Variants in EPB41L5 observed in about 807,000 individuals in gnomAD.
EPB41L5 encodes erythrocyte membrane protein band 4.1 like 5.
EPB41L5 carries 55 observed loss-of-function variants against 106.6 expected under a neutral mutation model. The observed-to-expected ratio is 0.52, with a 90% CI of 0.42 to 0.65. The LOEUF (loss-of-function observed/expected upper bound fraction) is 0.65, where lower values mean the gene tolerates loss of function less well. EPB41L5 is among the 30% of genes least tolerant of loss of function. The probability of loss-of-function intolerance (pLI) is 0.00; values close to 1 mark genes in which losing one functional copy is unlikely to be tolerated. For synonymous variants in EPB41L5, 297 were observed against 306.7 expected, an observed-to-expected ratio of 0.97 and a Z score of 0.33; for missense variants, 871 against 882.1, an observed-to-expected ratio of 0.99 and a Z score of 0.16.
chr2:120,052,745 C>T (rs1226002128), intron 3 of EPB41L5, among the ~76,000 whole-genome samples: 1 of 152,146 alleles, frequency 6.6e-6, no homozygotes, highest in Non-Finnish European at 1.5e-5. Flanking sequence ...CTACTCCAGC[C>T]CTGGAATTAG....
At position 120,077,109 on chromosome 2, in the gene EPB41L5, A is replaced by G. The variant is rs562599701; in HGVS notation, c.626+18A>G. 7.0e-5 allele frequency: 113 copies of G among 1,605,688 alleles called. 2 individuals carry two copies. In the South Asian group the frequency reaches 1.3e-3, roughly 18 times the overall value. On this transcript the variant is annotated intron_variant, in intron 8 of 24. Transcript: ENST00000263713. Reference sequence around the variant, plus strand: ...GAATACAGGTATCTGGCGTTTGACCATACTTTCTTTAAAATCACCACAACA... The same window carrying G: ...GAATACAGGTATCTGGCGTTTGACCGTACTTTCTTTAAAATCACCACAACA...
intron 16 of EPB41L5, chr2:120,104,040 C>T (rs1684302994): frequency 6.6e-7 from 1 of 1,513,114 alleles, no homozygotes; most frequent in Non-Finnish European, 8.8e-7. Context: ...GTGCTCCCCT[C>T]CCACTCCCCA....
intron 3 of EPB41L5, among the ~76,000 whole-genome samples, chr2:120,057,996 A>G (rs550104502): frequency 8.2e-4 from 125 of 152,198 alleles, no homozygotes; most frequent in Non-Finnish European, 1.2e-3. Context: ...TTTTGAAGGA[A>G]CAATTTTCAG....
chr2:120,098,156 T>TGTGTGTGTGTGTGTGTG (rs146897019), intron 14 of EPB41L5, among the ~76,000 whole-genome samples: 8 of 133,670 alleles, frequency 6.0e-5, no homozygotes, highest in Admixed American at 2.3e-4. Context: ...ATTGTTTGTT[T>TGTGTGTGTGTGTGTGTG]TGTGTGTGTG....
chr2:120,163,980 C>CTTTTTTTTTTTTTTTTTTTTTT (rs70949387), intron 21 of EPB41L5, among the ~76,000 whole-genome samples: 3 of 68,140 alleles, frequency 4.4e-5, no homozygotes, highest in Admixed American at 2.3e-4. Flanking sequence ...TTTGTATTTA[C>CTTTTTTTTTTTTTTTTTTTTTT]TTTTTTTTTT....
intron 17 of EPB41L5, 102 bp downstream of exon 17, chr2:120,127,953 A>G (rs1216082658): frequency 8.2e-6 from 9 of 1,099,338 alleles, no homozygotes; most frequent in South Asian, 6.5e-5. Context: ...TACTAGTTCA[A>G]CTTTTAAATT....
At chr2:120,081,758 A>G (rs1682686108) in intron 10 of EPB41L5, among the ~76,000 whole-genome samples, 1 of 152,136 alleles carries the variant, frequency 6.6e-6, no homozygotes, top group African/African-American at 2.4e-5. Flanking sequence ...ATGTTCTTCC[A>G]TTTGTTTGTG....
intron 2 of EPB41L5, among the ~76,000 whole-genome samples, chr2:120,039,694 G>A (rs764058030): frequency 6.6e-5 from 10 of 152,004 alleles, no homozygotes; most frequent in South Asian, 4.2e-4. Flanking sequence ...GTGTGGTGGC[G>A]CATGCCTGTA....
rs181311328 is a variant in EPB41L5, at chr2:120,117,757, C to T, written c.1338-9931C>T. Reference sequence around the variant, plus strand: ...CAAGATTCATGATGAATATGTTCCACGTAGTTTTCATTTAAATCCCTCTCA... The same window carrying T: ...CAAGATTCATGATGAATATGTTCCATGTAGTTTTCATTTAAATCCCTCTCA... On this transcript the variant is annotated intron_variant, in intron 16 of 24. Transcript: ENST00000263713. Among the ~76,000 whole-genome samples the T allele has an allele frequency of 3.3e-3, 505 of 152,232 alleles. 2 individuals are homozygous for T. Among genetic ancestry groups the T allele is most frequent in the Non-Finnish European group, 6.2e-3 (422 of 68,018 alleles).
intron 3 of EPB41L5, among the ~76,000 whole-genome samples, chr2:120,046,379 G>T (rs940870573): frequency 6.6e-6 from 1 of 152,096 alleles, no homozygotes; most frequent in African/African-American, 2.4e-5. Context: ...TCTCATTGTG[G>T]TTTTGATTTG....
intron 20 of EPB41L5, among the ~76,000 whole-genome samples, chr2:120,147,971 T>C (rs1275130771): frequency 6.6e-6 from 1 of 152,160 alleles, no homozygotes; most frequent in Non-Finnish European, 1.5e-5. Context: ...TTAATCTATT[T>C]TCCCCATGCT....
At chr2:120,101,848 CT>C (rs1684162068) in intron 16 of EPB41L5, among the ~76,000 whole-genome samples, 1 of 152,164 alleles carries the variant, frequency 6.6e-6, no homozygotes, top group Non-Finnish European at 1.5e-5. Flanking sequence ...CCCTTCTCCC[CT>C]GGCCCCATTT....
intron 18 of EPB41L5, among the ~76,000 whole-genome samples, chr2:120,140,690 TA>T (rs1686134956): frequency 6.6e-6 from 1 of 152,092 alleles, no homozygotes; most frequent in Admixed American, 6.6e-5. Flanking sequence ...AACCAGTGTA[TA>T]ATGCATATAT....
intron 3 of EPB41L5, among the ~76,000 whole-genome samples, chr2:120,053,344 TA>T (rs962750093): frequency 1.1e-4 from 17 of 151,948 alleles, no homozygotes; most frequent in African/African-American, 4.1e-4. Context: ...GTAGGCCACT[TA>T]AAAAAAAGAC....
At chr2:120,145,688 T>C (rs1347618495) in intron 19 of EPB41L5, among the ~76,000 whole-genome samples, 1 of 152,194 alleles carries the variant, frequency 6.6e-6, no homozygotes, top group Non-Finnish European at 1.5e-5. Context: ...CTCATGCCTG[T>C]AATCCCACCA....
intron 14 of EPB41L5, among the ~76,000 whole-genome samples, chr2:120,096,485 G>A (rs1238194432): frequency 1.3e-5 from 2 of 152,134 alleles, no homozygotes; most frequent in Non-Finnish European, 1.5e-5. Flanking sequence ...TATAAGCTAT[G>A]TTTTTCAGAA....
intron 2 of EPB41L5, among the ~76,000 whole-genome samples, chr2:120,041,647 A>G (rs932644654): frequency 6.6e-6 from 1 of 151,972 alleles, no homozygotes; most frequent in Admixed American, 6.6e-5. Context: ...AGTTTTTTGT[A>G]TTTTCTTTGT....
intron 21 of EPB41L5, among the ~76,000 whole-genome samples, chr2:120,161,741 G>A (rs1336483491): frequency 1.3e-5 from 2 of 152,110 alleles, no homozygotes; most frequent in Non-Finnish European, 2.9e-5. Context: ...AACCATTGTC[G>A]CCTGAGTTCC....
intron 18 of EPB41L5, among the ~76,000 whole-genome samples, chr2:120,132,888 G>A (rs1373773610): frequency 6.6e-6 from 1 of 152,078 alleles, no homozygotes; most frequent in East Asian, 1.9e-4. Flanking sequence ...GTGGGGGGCG[G>A]GGATTGTTGG....
Sources: allele counts gnomAD v4.1 joint callset (sites outside exome capture counted in the v4.1 genomes callset), GRCh38; gene constraint gnomAD v4.1.1; transcripts MANE v1.5; gene names NCBI Gene and HGNC (gene_info 2026-07-23, HGNC 2026-07-21).